GAB1: variants seen among roughly 807,000 people sequenced by gnomAD.
The protein encoded by GAB1 is GRB2 associated binding protein 1.
In GAB1, 19 loss-of-function variants were observed where a neutral mutation model predicts 66.5. The observed-to-expected ratio is 0.29, with a 90% CI of 0.20 to 0.42. The LOEUF (loss-of-function observed/expected upper bound fraction) is 0.42, where lower values mean the gene tolerates loss of function less well. Ranked by LOEUF, GAB1 falls within the 10% of genes least tolerant of loss-of-function variation. The pLI is 1.00. For missense variants in GAB1, 732 were observed against 858.5 expected (o/e 0.85, Z 1.84); for synonymous variants, 294 against 301.4 (o/e 0.98, Z 0.25).
At chr4:143,452,339 G>T (rs1029526821) in intron 6 of GAB1, among the ~76,000 whole-genome samples, 10 of 152,142 alleles carry the variant, frequency 6.6e-5, no homozygotes, top group African/African-American at 2.4e-4. Context: ...GAGTTTAGAA[G>T]TGTCCTCCTC....
intron 6 of GAB1, among the ~76,000 whole-genome samples, chr4:143,444,347 A>G (rs1391542003): frequency 1.3e-5 from 2 of 152,162 alleles, no homozygotes; most frequent in Non-Finnish European, 2.9e-5. Flanking sequence ...CAGTCTGAAC[A>G]TTAGTTACTA....
chr4:143,457,595 CTT>C lies in GAB1; in HGVS notation c.1586-1771_1586-1770del, dbSNP rs144852070. Reference sequence around the variant, plus strand: ...AACATTTTTGCACAGGGCTCTGTTGCTTTTTTTTTTTTTTTTTTTTACAGAAT... The same window carrying C: ...AACATTTTTGCACAGGGCTCTGTTGCTTTTTTTTTTTTTTTTTTACAGAAT... On this transcript the variant is annotated intron_variant, in intron 6 of 9. Transcript: ENST00000262994. 17,628 of 290,230 alleles carry C rather than the reference CTT, an allele frequency of 0.061. 39 individuals carry two copies. Among genetic ancestry groups the C allele is most frequent in the Middle Eastern group, 0.075 (74 of 990 alleles). The allele number at this position is 290,230 out of a possible 1,614,324, so 18.0% of individuals were successfully genotyped here. A position where few individuals can be genotyped will look rare whatever the true frequency, so the allele number is the denominator to read the frequency against.
chr4:143,444,539 T>C (rs1734407217), intron 6 of GAB1, among the ~76,000 whole-genome samples: 1 of 152,218 alleles, frequency 6.6e-6, no homozygotes, highest in South Asian at 2.1e-4. Flanking sequence ...TAAACATTTT[T>C]TCAAGAGATC....
rs780138131 is a variant in GAB1, at chr4:143,468,208, CTTTTT to C, written c.1927-802_1927-798del. On this transcript the variant is annotated intron_variant, in intron 9 of 9. Coordinates refer to ENST00000262994, the MANE Select transcript of GAB1 (RefSeq NM_002039.4). ...TGTCATGGAAGCATTAGTTTGAATTCTTTTTTTTTTTTTTTTTTTTTTTTTGGACG... is the reference window on the plus strand; with the variant it reads ...TGTCATGGAAGCATTAGTTTGAATTCTTTTTTTTTTTTTTTTTTTTGGACG... 9.9e-3 allele frequency among the ~76,000 whole-genome samples: 696 copies of C among 70,070 alleles called. 5 individuals carry two copies. Among genetic ancestry groups the C allele is most frequent in the African/African-American group, 0.036 (645 of 18,012 alleles). 46.0% of individuals were successfully genotyped at this position (70,070 alleles called of 152,430 possible).
At chr4:143,365,356 C>T (rs1427624072) in intron 1 of GAB1, among the ~76,000 whole-genome samples, 3 of 152,180 alleles carry the variant, frequency 2.0e-5, no homozygotes. Flanking sequence ...CCTTCAGTAT[C>T]TTTCTTCCCT....
chr4:143,467,619 T>C (rs1735861388), intron 9 of GAB1, among the ~76,000 whole-genome samples: 1 of 152,252 alleles, frequency 6.6e-6, no homozygotes, highest in South Asian at 2.1e-4. Flanking sequence ...GTGTGTTTTA[T>C]ATATTTTTAT....
At chr4:143,420,528 G>T (rs1021259246) in intron 2 of GAB1, among the ~76,000 whole-genome samples, 1 of 152,028 alleles carries the variant, frequency 6.6e-6, no homozygotes, top group Non-Finnish European at 1.5e-5. Flanking sequence ...ACTGTGTGTG[G>T]TTCCTATGAA....
chr4:143,461,511 G>C (rs1050977105), intron 8 of GAB1, among the ~76,000 whole-genome samples: 1 of 152,166 alleles, frequency 6.6e-6, no homozygotes, highest in Non-Finnish European at 1.5e-5. Flanking sequence ...AGAAAAAGAA[G>C]GGTACAGCCC....
intron 1 of GAB1, among the ~76,000 whole-genome samples, chr4:143,406,919 T>C (rs956455290): frequency 6.6e-6 from 1 of 152,210 alleles, no homozygotes; most frequent in Non-Finnish European, 1.5e-5. Flanking sequence ...AAAAATATAC[T>C]TAGCTTGCCC....
chr4:143,438,550 C>T lies in GAB1; in HGVS notation c.1145C>T (p.Pro382Leu), dbSNP rs1189079500. The T allele has an allele frequency of 2.5e-6, 4 of 1,614,046 alleles. No individual in the cohort carries two copies. The highest frequency in any genetic ancestry group is 1.7e-5 in the Admixed American group (1 of 59,996). ...SYCIPTAGMS[P>L]SRSNTISTVD... ...TGTATCCCTACAGCAGGGATGTCGC[C>T]TTCACGTAGTAATACCATTTCCACT... The change falls in exon 4 of 10, where the codon CCT becomes CTT. Residue 382 changes from proline (P) to leucine (L), a missense_variant. This residue lies in a region of GAB1 where 427 missense variants were observed against 420.6 expected (regional missense o/e 1.02). Transcript: ENST00000262994.
In GAB1 at chr4:143,461,635, C is replaced by T. The variant is rs981911031; in HGVS notation, c.1803+1148C>T. On this transcript the variant is annotated intron_variant, in intron 8 of 9. Transcript: ENST00000262994. The stretch of plus-strand genomic sequence containing the variant: ...GAGCTAGAAAACATAGACTTAGATC[C>T]GAGGAACAGTGGGCCCACCTAAAAA... Among the ~76,000 whole-genome samples, 5 of 152,218 alleles carry T rather than the reference C, an allele frequency of 3.3e-5. No homozygotes were observed. In the East Asian group the frequency reaches 5.8e-4, roughly 18 times the overall value.
intron 2 of GAB1, chr4:143,417,383 A>G: frequency 2.4e-6 from 1 of 413,604 alleles, no homozygotes; most frequent in Non-Finnish European, 4.8e-6. Context: ...GTGGAATTCT[A>G]CCTCGGGTAC....
chr4:143,411,270 T>G (rs1732375039), intron 1 of GAB1, among the ~76,000 whole-genome samples: 1 of 152,186 alleles, frequency 6.6e-6, no homozygotes, highest in African/African-American at 2.4e-5. Flanking sequence ...ACTTTTAAGT[T>G]ACCCCAAAAT....
At chr4:143,390,926 G>C (rs149409075) in intron 1 of GAB1, among the ~76,000 whole-genome samples, 1 of 152,126 alleles carries the variant, frequency 6.6e-6, no homozygotes, top group African/African-American at 2.4e-5. Flanking sequence ...GGCAGCATGC[G>C]CAATGTCTTC....
chr4:143,409,145 G>A (rs1164886714), intron 1 of GAB1, among the ~76,000 whole-genome samples: 1 of 152,158 alleles, frequency 6.6e-6, no homozygotes, highest in Non-Finnish European at 1.5e-5. Context: ...TTATCTCAGG[G>A]GAAGTTGAGG....
At chr4:143,351,429 C>G (rs1419002349) in intron 1 of GAB1, among the ~76,000 whole-genome samples, 1 of 152,138 alleles carries the variant, frequency 6.6e-6, no homozygotes, top group African/African-American at 2.4e-5. Flanking sequence ...GGTGCTCTTC[C>G]GCGGTGTCTT....
intron 6 of GAB1, among the ~76,000 whole-genome samples, chr4:143,440,726 G>T (rs1166619769): frequency 6.6e-6 from 1 of 152,144 alleles, no homozygotes; most frequent in African/African-American, 2.4e-5. Flanking sequence ...ACAATCCTTT[G>T]TTGACTTGTG....
At chr4:143,408,955 T>C (rs1732214049) in intron 1 of GAB1, among the ~76,000 whole-genome samples, 1 of 152,192 alleles carries the variant, frequency 6.6e-6, no homozygotes, top group Admixed American at 6.5e-5. Context: ...GGCTCAGGAA[T>C]GTAGAAAGTA....
intron 1 of GAB1, among the ~76,000 whole-genome samples, chr4:143,369,356 T>A (rs1730020474): frequency 6.6e-6 from 1 of 152,130 alleles, no homozygotes; most frequent in East Asian, 1.9e-4. Flanking sequence ...GGATTACAGG[T>A]GTGAACAACC....
Sources: gnomAD v4.1 joint callset for allele counts (sites outside exome capture counted in the v4.1 genomes callset) on GRCh38, gnomAD v4.1.1 for gene constraint, gnomAD v4.1.1 regional missense constraint, MANE v1.5 for transcripts, NCBI Gene and HGNC (gene_info 2026-07-23, HGNC 2026-07-21) for gene names.